SPATA16: variants seen among roughly 807,000 people sequenced by gnomAD.
SPATA16 encodes the protein spermatogenesis associated 16.
In SPATA16, 36 loss-of-function variants were observed where a neutral mutation model predicts 63.3. The ratio of observed to expected loss-of-function variants is 0.57; its 90% CI spans 0.44 to 0.75. The LOEUF (loss-of-function observed/expected upper bound fraction) is 0.75, where lower values mean the gene tolerates loss of function less well. SPATA16 is among the 30% of genes least tolerant of loss of function. The pLI, the probability that SPATA16 is intolerant of heterozygous loss-of-function variation, is 0.00. For synonymous variants in SPATA16, 203 were observed against 216.7 expected (o/e 0.94, Z 0.56); for missense variants, 646 against 679.3 (o/e 0.95, Z 0.54).
Position 173,006,166 on chromosome 3 carries a change from A to G in SPATA16, c.848+13320T>C, listed in dbSNP as rs1433330554. 2.0e-5 allele frequency among the ~76,000 whole-genome samples: 3 copies of G among 152,196 alleles called. No homozygotes were observed. The East Asian group carries it at 5.8e-4, about 29-fold the overall frequency. On this transcript the variant is annotated intron_variant, in intron 4 of 10. Transcript: ENST00000351008. ...ATGTCAGTTTTAGATATCATACACC[A>G]AGACACAACATTTTTACAGTGCTTA...
At chr3:173,020,329 A>G (rs1379632203) in intron 3 of SPATA16, among the ~76,000 whole-genome samples, 1 of 151,394 alleles carries the variant, frequency 6.6e-6, no homozygotes, top group Non-Finnish European at 1.5e-5. Context: ...AATTTGGGTG[A>G]CATGTTCATT....
chr3:172,935,344 C>T (rs1732958262), intron 6 of SPATA16, among the ~76,000 whole-genome samples: 1 of 151,826 alleles, frequency 6.6e-6, no homozygotes, highest in Non-Finnish European at 1.5e-5. Flanking sequence ...CAAACAAACA[C>T]ACAAACAACA....
At chr3:173,006,719 C>A (rs1326905729) in intron 4 of SPATA16, among the ~76,000 whole-genome samples, 5 of 152,142 alleles carry the variant, frequency 3.3e-5, no homozygotes, top group Non-Finnish European at 7.3e-5. Flanking sequence ...TTATCTACAG[C>A]AATGCTACTG....
chr3:172,952,525 C>T (rs1733460592), intron 6 of SPATA16, among the ~76,000 whole-genome samples: 1 of 152,110 alleles, frequency 6.6e-6, no homozygotes, highest in Non-Finnish European at 1.5e-5. Context: ...CTTTATGGGC[C>T]AGGCCTGGAA....
chr3:173,108,524 C>T (rs1197616510), intron 2 of SPATA16, among the ~76,000 whole-genome samples: 1 of 152,010 alleles, frequency 6.6e-6, no homozygotes, highest in African/African-American at 2.4e-5. Flanking sequence ...GTAAAAATAC[C>T]AATGTTCCAG....
intron 9 of SPATA16, among the ~76,000 whole-genome samples, chr3:172,914,862 T>A (rs1242764262): frequency 6.6e-6 from 1 of 151,962 alleles, no homozygotes; most frequent in Non-Finnish European, 1.5e-5. Flanking sequence ...GTATATATTT[T>A]GAAAAATAAG....
At chr3:173,029,517 G>A (rs1166786429) in intron 3 of SPATA16, among the ~76,000 whole-genome samples, 2 of 151,178 alleles carry the variant, frequency 1.3e-5, no homozygotes, top group Admixed American at 6.6e-5. Context: ...ACCTTCACAT[G>A]CACTAGGTTG....
chr3:173,131,850 TC>T (rs942995896), intron 1 of SPATA16, among the ~76,000 whole-genome samples: 1 of 152,090 alleles, frequency 6.6e-6, no homozygotes, highest in African/African-American at 2.4e-5. Flanking sequence ...GAAGGATACA[TC>T]CATTATGGAG....
chr3:173,114,179 CAAAAAAAAAAA>C (rs34754459), intron 2 of SPATA16, among the ~76,000 whole-genome samples: 3 of 66,306 alleles, frequency 4.5e-5, no homozygotes, highest in African/African-American at 1.6e-4. Context: ...GACTCCATCT[CAAAAAAAAAAA>C]AAAAAAAAAA....
At chr3:173,047,288 C>T (rs1247562324) in intron 3 of SPATA16, among the ~76,000 whole-genome samples, 1 of 151,426 alleles carries the variant, frequency 6.6e-6, no homozygotes, top group African/African-American at 2.4e-5. Flanking sequence ...TTTGACATGA[C>T]CATGCCATTT....
intron 2 of SPATA16, among the ~76,000 whole-genome samples, chr3:173,094,429 A>G (rs1430987346): frequency 6.6e-6 from 1 of 152,218 alleles, no homozygotes; most frequent in Non-Finnish European, 1.5e-5. Flanking sequence ...GTGAAGATTC[A>G]GTAAATGACC....
At chr3:173,130,056 A>G (rs1738330133) in intron 1 of SPATA16, among the ~76,000 whole-genome samples, 1 of 152,190 alleles carries the variant, frequency 6.6e-6, no homozygotes, top group South Asian at 2.1e-4. Context: ...AGACAGGTAA[A>G]GATGAACATA....
intron 1 of SPATA16, among the ~76,000 whole-genome samples, chr3:173,118,412 G>T (rs1315608626): frequency 6.6e-6 from 1 of 152,118 alleles, no homozygotes; most frequent in Non-Finnish European, 1.5e-5. Context: ...TGTAGTAATG[G>T]TATCAACAAT....
At chr3:173,028,009 CCCTCCCTTCCTTCTTTCCTT>C (rs1360211036) in intron 3 of SPATA16, among the ~76,000 whole-genome samples, 9 of 43,332 alleles carry the variant, frequency 2.1e-4, no homozygotes, top group African/African-American at 1.7e-3. Context: ...CTCCCTCCCT[CCCTCCCTTCCTTCTTTCCTT>C]CCTTCCTTCC....
intron 6 of SPATA16, among the ~76,000 whole-genome samples, chr3:172,956,180 A>G (rs1385870810): frequency 6.6e-6 from 1 of 152,136 alleles, no homozygotes; most frequent in African/African-American, 2.4e-5. Context: ...AAAAAACCTA[A>G]TACCAGTTGT....
At chr3:172,958,351 C>G (rs577010271) in intron 5 of SPATA16, among the ~76,000 whole-genome samples, 264 of 152,220 alleles carry the variant, frequency 1.7e-3, no homozygotes, top group African/African-American at 6.1e-3. Context: ...AGTATTAGCC[C>G]TTCAGGAAAA....
Position 172,967,387 on chromosome 3 carries a change from C to T in SPATA16, c.933+9581G>A, listed in dbSNP as rs1178987934. On this transcript the variant is annotated intron_variant, in intron 5 of 10. Transcript: ENST00000351008. Reference sequence around the variant, plus strand: ...ACCAGGAATATTTTGAAAAAATAGACATTTCTGAAGAAGATACAAAATAAA... The same window carrying T: ...ACCAGGAATATTTTGAAAAAATAGATATTTCTGAAGAAGATACAAAATAAA... Among the ~76,000 whole-genome samples, 4 of 152,190 alleles carry T rather than the reference C, an allele frequency of 2.6e-5. No individual in the cohort carries two copies. The East Asian group carries it at 7.7e-4, about 29-fold the overall frequency.
At chr3:173,061,492 T>A (rs1560110296) in intron 2 of SPATA16, among the ~76,000 whole-genome samples, 1 of 152,226 alleles carries the variant, frequency 6.6e-6, no homozygotes, top group Non-Finnish European at 1.5e-5. Flanking sequence ...TTAATGTATA[T>A]GGAGGGATGA....
chr3:172,908,415 C>T (rs1430075022), intron 10 of SPATA16, among the ~76,000 whole-genome samples: 1 of 152,112 alleles, frequency 6.6e-6, no homozygotes, highest in East Asian at 1.9e-4. Flanking sequence ...TCTGCAAAGC[C>T]AAACCAAAAC....
Sources: allele counts gnomAD v4.1 joint callset (sites outside exome capture counted in the v4.1 genomes callset), GRCh38; gene constraint gnomAD v4.1.1; transcripts MANE v1.5; gene names NCBI Gene and HGNC (gene_info 2026-07-23, HGNC 2026-07-21).